CCSER1: variants seen among roughly 807,000 people sequenced by gnomAD.
CCSER1 encodes serine-rich coiled-coil domain-containing protein 1.
Under a neutral mutation model 82.0 loss-of-function variants are expected in CCSER1, and 41 were observed. The observed-to-expected ratio is 0.50, with a 90% CI of 0.39 to 0.65. CCSER1 has a LOEUF of 0.65. Among genes scored for constraint, CCSER1 ranks in the 30% least tolerant of loss-of-function variants. CCSER1 has a pLI of 0.00. For missense variants in CCSER1, 1,119 were observed against 1,064.2 expected, an observed-to-expected ratio of 1.05 and a Z score of -0.72; for synonymous variants, 414 against 383.9, an observed-to-expected ratio of 1.08 and a Z score of -0.92.
intron 10 of CCSER1, among the ~76,000 whole-genome samples, chr4:91,494,962 A>G (rs1758726412): frequency 6.6e-6 from 1 of 151,674 alleles, no homozygotes; most frequent in African/African-American, 2.4e-5. Context: ...TTGAGGCTCA[A>G]ATATCCAAAT....
chr4:90,751,529 AT>A (rs1465486247), intron 7 of CCSER1, among the ~76,000 whole-genome samples: 2 of 152,122 alleles, frequency 1.3e-5, no homozygotes, highest in East Asian at 3.8e-4. Flanking sequence ...ATCAATATAA[AT>A]AGTGATTTAA....
chr4:91,096,321 G>A (rs1252042850), intron 10 of CCSER1, among the ~76,000 whole-genome samples: 2 of 152,118 alleles, frequency 1.3e-5, no homozygotes, highest in African/African-American at 2.4e-5. Context: ...TGGTAAAGGT[G>A]GGGCACTGTT....
chr4:91,161,969 A>G (rs1021763596), intron 10 of CCSER1, among the ~76,000 whole-genome samples: 1 of 152,036 alleles, frequency 6.6e-6, no homozygotes, highest in Non-Finnish European at 1.5e-5. Flanking sequence ...TTCCAACACT[A>G]TGTTGAATAG....
In CCSER1 at chr4:90,372,973, A is replaced by G. The variant is rs142325402; in HGVS notation, c.1510-27063A>G. Among the ~76,000 whole-genome samples, 28 of 138,278 alleles carry G rather than the reference A, an allele frequency of 2.0e-4. No homozygotes were observed. In the East Asian group the frequency reaches 4.7e-3, roughly 23 times the overall value. The allele number at this position is 138,278 out of a possible 152,430, so 90.7% of individuals were successfully genotyped here. A position where few individuals can be genotyped will look rare whatever the true frequency, so the allele number is the denominator to read the frequency against. On this transcript the variant is annotated intron_variant, in intron 3 of 10. Transcript: ENST00000509176. Reference sequence around the variant, plus strand: ...GGAGATGCAAACTGTTGCATTAGCCATGGTATAAGATATTAAGGACCCCAA... The same window carrying G: ...GGAGATGCAAACTGTTGCATTAGCCGTGGTATAAGATATTAAGGACCCCAA...
intron 10 of CCSER1, among the ~76,000 whole-genome samples, chr4:91,540,627 T>A (rs1761539160): frequency 6.6e-6 from 1 of 152,162 alleles, no homozygotes; most frequent in African/African-American, 2.4e-5. Context: ...GTCCTTGCCA[T>A]ACCCAATCTA....
intron 1 of CCSER1, among the ~76,000 whole-genome samples, chr4:90,181,225 G>GA (rs1038645014): frequency 6.6e-6 from 1 of 151,318 alleles, no homozygotes; most frequent in East Asian, 1.9e-4. Flanking sequence ...GAAATTGGAA[G>GA]AAAAAAAAGG....
At chr4:90,396,151 A>C (rs1751925998) in intron 3 of CCSER1, among the ~76,000 whole-genome samples, 1 of 152,148 alleles carries the variant, frequency 6.6e-6, no homozygotes, top group African/African-American at 2.4e-5. Flanking sequence ...ATGTAGGGCT[A>C]TCTAGTGATT....
At chr4:90,810,917 C>T (rs1758197020) in intron 7 of CCSER1, among the ~76,000 whole-genome samples, 1 of 144,304 alleles carries the variant, frequency 6.9e-6, no homozygotes, top group South Asian at 2.2e-4. Context: ...ACTACAAGGC[C>T]CGCCTCCCGG....
chr4:90,393,451 C>T (rs755210363), intron 3 of CCSER1, among the ~76,000 whole-genome samples: 5 of 152,126 alleles, frequency 3.3e-5, no homozygotes, highest in African/African-American at 4.8e-5. Flanking sequence ...AGAATGCTGA[C>T]TAGGCTGTAA....
intron 8 of CCSER1, among the ~76,000 whole-genome samples, chr4:90,883,387 T>C (rs994637936): frequency 1.3e-5 from 2 of 152,172 alleles, no homozygotes. Flanking sequence ...CAGTTAAATT[T>C]TCACTAATAT....
At position 91,304,907 on chromosome 4, in the gene CCSER1, C is replaced by T. The variant is rs1244602280; in HGVS notation, c.2217+218913C>T. On this transcript the variant is annotated intron_variant, in intron 10 of 10. Coordinates refer to ENST00000509176, the MANE Select transcript of CCSER1 (RefSeq NM_001145065.2). Reference sequence around the variant, plus strand: ...TAGAAAATTCAATTATATGGTGAATCATATGTTTTTCTTATTTCCGTAGAA... The same window carrying T: ...TAGAAAATTCAATTATATGGTGAATTATATGTTTTTCTTATTTCCGTAGAA... Among the ~76,000 whole-genome samples, 6 of 152,048 alleles carry T rather than the reference C, an allele frequency of 3.9e-5. No individual in the cohort carries two copies. The East Asian group carries it at 1.2e-3, about 30-fold the overall frequency.
At chr4:90,801,447 T>C (rs17246676) in intron 7 of CCSER1, among the ~76,000 whole-genome samples, 29,558 of 152,098 alleles carry the variant, frequency 0.19, 3,566 homozygotes, top group South Asian at 0.29. Context: ...TTTTGAAAGA[T>C]TTATATCGGT....
At chr4:91,493,079 T>A (rs1260082151) in intron 10 of CCSER1, among the ~76,000 whole-genome samples, 1 of 151,946 alleles carries the variant, frequency 6.6e-6, no homozygotes, top group Non-Finnish European at 1.5e-5. Flanking sequence ...TCAAGGAGTA[T>A]AGTTTGTGTG....
At chr4:91,064,016 T>G (rs1744164935) in intron 9 of CCSER1, among the ~76,000 whole-genome samples, 1 of 152,178 alleles carries the variant, frequency 6.6e-6, no homozygotes, top group Non-Finnish European at 1.5e-5. Flanking sequence ...TTAAAAATAG[T>G]TTTCTTATCT....
At position 90,882,792 on chromosome 4, in the gene CCSER1, C is replaced by T. The variant is rs180735926; in HGVS notation, c.2095-40578C>T. 2.4e-3 allele frequency among the ~76,000 whole-genome samples: 365 copies of T among 151,692 alleles called. 3 individuals are homozygous for T. Among genetic ancestry groups the T allele is most frequent in the African/African-American group, 8.0e-3 (331 of 41,434 alleles). On this transcript the variant is annotated intron_variant, in intron 8 of 10. Coordinates refer to ENST00000509176, the MANE Select transcript of CCSER1 (RefSeq NM_001145065.2). Reference sequence around the variant, plus strand: ...AGCCAGGCTTCCCCCCTCAAATATACGCAACTTCACTTAGGAATAGGTTAC... The same window carrying T: ...AGCCAGGCTTCCCCCCTCAAATATATGCAACTTCACTTAGGAATAGGTTAC...
At chr4:90,867,969 C>T (rs888184293) in intron 8 of CCSER1, among the ~76,000 whole-genome samples, 4 of 152,080 alleles carry the variant, frequency 2.6e-5, no homozygotes, top group Middle Eastern at 3.4e-3. Context: ...TAGATTGCCT[C>T]CAAATATTGA....
intron 9 of CCSER1, among the ~76,000 whole-genome samples, chr4:90,972,416 C>G (rs1735197763): frequency 6.6e-6 from 1 of 151,280 alleles, no homozygotes; most frequent in African/African-American, 2.4e-5. Context: ...GACAGCAACA[C>G]CATTTAAAAT....
chr4:91,032,316 A>G (rs1246654731), intron 9 of CCSER1, among the ~76,000 whole-genome samples: 1 of 152,178 alleles, frequency 6.6e-6, no homozygotes, highest in East Asian at 1.9e-4. Context: ...ACATTTTATC[A>G]TGCTAGAATA....
intron 5 of CCSER1, among the ~76,000 whole-genome samples, chr4:90,607,147 T>C (rs1784831551): frequency 6.6e-6 from 1 of 152,212 alleles, no homozygotes; most frequent in Non-Finnish European, 1.5e-5. Context: ...GAAAATGTAT[T>C]GCATTTTAAC....
Sources: gnomAD v4.1 joint callset for allele counts (sites outside exome capture counted in the v4.1 genomes callset) on GRCh38, gnomAD v4.1.1 for gene constraint, MANE v1.5 for transcripts, NCBI Gene and HGNC (gene_info 2026-07-23, HGNC 2026-07-21) for gene names.